Variants in NME9 observed in about 807,000 individuals in gnomAD.
NME9 encodes thioredoxin domain-containing protein 6.
A neutral mutation model predicts 44.4 loss-of-function variants in NME9; 48 were observed. That is an observed-to-expected ratio of 1.08 (90% confidence interval 0.86 to 1.37). NME9 has a LOEUF of 1.37. NME9 is among the 40% of genes most tolerant of loss of function. The probability of loss-of-function intolerance (pLI) is 0.00; values close to 1 mark genes in which losing one functional copy is unlikely to be tolerated. For missense variants in NME9, 325 were observed against 405.2 expected (o/e 0.80, Z 1.70); for synonymous variants, 139 against 147.1 (o/e 0.94, Z 0.40).
intron 8 of NME9, among the ~76,000 whole-genome samples, chr3:138,290,360 G>A (rs999977406): frequency 6.6e-6 from 1 of 152,142 alleles, no homozygotes; most frequent in Non-Finnish European, 1.5e-5. Flanking sequence ...GCAGAGAGAC[G>A]AGTTAGAAGA....
intron 8 of NME9, among the ~76,000 whole-genome samples, chr3:138,295,438 A>G (rs1324545276): frequency 1.3e-5 from 2 of 152,068 alleles, no homozygotes; most frequent in Non-Finnish European, 2.9e-5. Context: ...CAGTTTTCTT[A>G]TTTGCTTCCC....
At chr3:138,306,342 T>C in intron 7 of NME9, 56 bp downstream of exon 7, 1 of 1,331,776 alleles carries the variant, frequency 7.5e-7, no homozygotes, top group Non-Finnish European at 1.1e-6. Flanking sequence ...CATCCCTGTT[T>C]ATCCACAAAA....
rs146529671 is a variant in NME9 at position 138,263,600 on chromosome 3, A to G, written c.746-1014T>C. 35 of 766,234 alleles carry G rather than the reference A, an allele frequency of 4.6e-5. No individual in the cohort carries two copies. The East Asian group carries it at 8.3e-4, about 18-fold the overall frequency. 47.5% of individuals were successfully genotyped at this position (766,234 alleles called of 1,614,324 possible). The stretch of plus-strand genomic sequence containing the variant: ...TGATGAGCTGCCCGCCCCCAGCGCA[A>G]GATGATTGTTTGAGAGGTAAAAACT... On this transcript the variant is annotated intron_variant, in intron 8 of 8. Transcript: ENST00000317876.
intron 8 of NME9, among the ~76,000 whole-genome samples, chr3:138,295,453 C>G (rs1217292130): frequency 6.6e-6 from 1 of 152,216 alleles, no homozygotes; most frequent in Admixed American, 6.5e-5. Flanking sequence ...CTTCCCAGAA[C>G]CCTAAGTGTT....
intron 1 of NME9, 64 bp from the exon 2 acceptor site, chr3:138,324,994 A>G (rs2108466919): frequency 5.3e-6 from 7 of 1,317,204 alleles, no homozygotes; most frequent in South Asian, 1.2e-5. Context: ...AATTCAATCT[A>G]TTTGCTCTAG....
chr3:138,263,974 G>T (rs2048006720), intron 8 of NME9: 5 of 952,062 alleles, frequency 5.3e-6, no homozygotes, highest in Non-Finnish European at 8.2e-6. Flanking sequence ...CTAACAGAGA[G>T]CCTGGCCTCC....
At chr3:138,320,900 T>A (rs2053425314) in intron 2 of NME9, among the ~76,000 whole-genome samples, 1 of 152,202 alleles carries the variant, frequency 6.6e-6, no homozygotes, top group Admixed American at 6.5e-5. Flanking sequence ...CACTAGGCAA[T>A]GAGGATTCAC....
Position 138,329,385 on chromosome 3 carries a change from C to G in NME9, c.-50G>C. The G allele has an allele frequency of 6.5e-7, 1 of 1,535,702 alleles. No homozygotes were observed. The highest frequency in any genetic ancestry group is 8.7e-7 in the Non-Finnish European group (1 of 1,146,706). The stretch of plus-strand genomic sequence containing the variant: ...TGTTACCGCGGCCGTGGGCCGTTCC[C>G]CCGCAGCCTCGCGACAAACCGCTGC... On this transcript the variant is annotated 5_prime_UTR_variant, in exon 1 of 11. Coordinates refer to ENST00000333911, the MANE Select transcript of NME9 (RefSeq NM_001349018.2).
chr3:138,262,478 G>C (rs1417530409), exon 9 of NME9: 92 of 1,562,408 alleles, frequency 5.9e-5, no homozygotes, highest in Non-Finnish European at 7.7e-5. Context: ...TTGTTTGGCT[G>C]AAACATCCTG....
At chr3:138,264,120 A>T in intron 8 of NME9, 1 of 1,607,362 alleles carries the variant, frequency 6.2e-7, no homozygotes, top group Non-Finnish European at 8.5e-7. Flanking sequence ...AATTTTGATT[A>T]TTCTTTGTAG....
Position 138,301,630 on chromosome 3 carries a change from C to T in NME9, c.*10G>A, listed in dbSNP as rs534588678. 8 of 1,536,042 alleles carry T rather than the reference C, an allele frequency of 5.2e-6. No homozygotes were observed. In the South Asian group the frequency reaches 7.1e-5, roughly 14 times the overall value. ...CTGGTCACGTGCTCTGGAAGAGCAG[C>T]ACAGCCATCTCAATCCACATCCTCA... On this transcript the variant is annotated 3_prime_UTR_variant, in exon 11 of 11. Coordinates refer to ENST00000333911, the MANE Select transcript of NME9 (RefSeq NM_001349018.2).
At chr3:138,312,352 T>C (rs997862669) in intron 6 of NME9, among the ~76,000 whole-genome samples, 1 of 152,170 alleles carries the variant, frequency 6.6e-6, no homozygotes, top group African/African-American at 2.4e-5. Context: ...GGCATCACAC[T>C]ACCTGACTTC....
intron 2 of NME9, among the ~76,000 whole-genome samples, chr3:138,321,858 G>A (rs984253921): frequency 6.6e-5 from 10 of 151,820 alleles, no homozygotes; most frequent in African/African-American, 2.4e-4. Context: ...GGTGGGGAGA[G>A]ATTGTTGAAG....
downstream of NME9, among the ~76,000 whole-genome samples, chr3:138,298,883 C>T (rs970481001): frequency 5.3e-5 from 8 of 152,130 alleles, no homozygotes; most frequent in Admixed American, 2.0e-4. Context: ...GCCAGAGTGG[C>T]GGGAGGATGA....
intron 8 of NME9, among the ~76,000 whole-genome samples, chr3:138,291,389 G>T (rs1387810532): frequency 6.6e-6 from 1 of 152,142 alleles, no homozygotes; most frequent in African/African-American, 2.4e-5. Flanking sequence ...TACACATTCT[G>T]TTCCATCTAC....
Position 138,314,415 on chromosome 3 carries a change from A to G in NME9, c.385-8T>C. On this transcript the variant is annotated splice_polypyrimidine_tract_variant and splice_region_variant and intron_variant, in intron 5 of 10. Transcript: ENST00000333911. ...AAGAGCCTCATCTTTAATCTAGTAC[A>G]AATTGGTCATTAAAAGAAAGTAGTT... 2.5e-6 allele frequency: 4 copies of G among 1,577,612 alleles called. No homozygotes were observed. Among genetic ancestry groups the G allele is most frequent in the Non-Finnish European group, 3.5e-6 (4 of 1,153,068 alleles).
chr3:138,319,428 T>A (rs1196696078), intron 3 of NME9, 50 bp downstream of exon 3: 1 of 1,105,924 alleles, frequency 9.0e-7, no homozygotes, highest in Admixed American at 1.7e-5. Flanking sequence ...TTTAAATTTT[T>A]AAATTCTTTT....
intron 6 of NME9, among the ~76,000 whole-genome samples, chr3:138,311,516 C>T (rs1427351670): frequency 6.6e-6 from 1 of 152,108 alleles, no homozygotes; most frequent in Non-Finnish European, 1.5e-5. Context: ...AAACCAACTT[C>T]AACAACACAT....
At chr3:138,302,610 T>G (rs959791165) in intron 10 of NME9, among the ~76,000 whole-genome samples, 1 of 152,224 alleles carries the variant, frequency 6.6e-6, no homozygotes, top group Non-Finnish European at 1.5e-5. Context: ...GCTCAGCTTG[T>G]TCCTCAGCTG....
Sources: gnomAD v4.1 joint callset for allele counts (sites outside exome capture counted in the v4.1 genomes callset) on GRCh38, gnomAD v4.1.1 for gene constraint, MANE v1.5 for transcripts, NCBI Gene and HGNC (gene_info 2026-07-23, HGNC 2026-07-21) for gene names.